The following CD163L1 variants were observed in gnomAD, a reference collection of about 807,000 sequenced individuals.
CD163L1 encodes scavenger receptor cysteine-rich type 1 protein M160.
Under a neutral mutation model 165.4 loss-of-function variants are expected in CD163L1, and 124 were observed. That is an observed-to-expected ratio of 0.75 (90% CI 0.65 to 0.87). The LOEUF is 0.87. Ranked by LOEUF, CD163L1 falls within the 40% of genes least tolerant of loss-of-function variation. CD163L1 has a pLI of 0.00. For synonymous variants in CD163L1, 585 were observed against 662.2 expected, an observed-to-expected ratio of 0.88 and a Z score of 1.79; for missense variants, 1,525 against 1,799.9, an observed-to-expected ratio of 0.85 and a Z score of 2.76.
chr12:7,409,667 C>T (rs1175106660), intron 4 of CD163L1, among the ~76,000 whole-genome samples: 1 of 152,154 alleles, frequency 6.6e-6, no homozygotes, highest in African/African-American at 2.4e-5. Context: ...GTTTACAGCC[C>T]GGGGGTTGGA....
chr12:7,399,827 AC>A (rs1787893720), intron 6 of CD163L1, among the ~76,000 whole-genome samples: 1 of 151,854 alleles, frequency 6.6e-6, no homozygotes, highest in Admixed American at 6.6e-5. Context: ...CTGGTCTAGA[AC>A]CCCTGACCTC....
downstream of CD163L1, among the ~76,000 whole-genome samples, chr12:7,345,237 T>G (rs1400972712): frequency 6.6e-6 from 1 of 152,192 alleles, no homozygotes; most frequent in South Asian, 2.1e-4. Context: ...GTCATTTCTT[T>G]GCTCCTGTAG....
At chr12:7,324,332 A>C in the CD163L1 span, 1 of 1,614,040 alleles carries the variant, frequency 6.2e-7, no homozygotes, top group Non-Finnish European at 8.5e-7. Context: ...CTGGAGACAG[A>C]GGAGTGATGG....
At chr12:7,341,505 G>C in the CD163L1 span, among the ~76,000 whole-genome samples, 1 of 152,158 alleles carries the variant, frequency 6.6e-6, no homozygotes, top group East Asian at 1.9e-4. Context: ...GAGTTACATA[G>C]TCCTGTCCTA....
chr12:7,335,747 G>A, the CD163L1 span, among the ~76,000 whole-genome samples: 3 of 152,242 alleles, frequency 2.0e-5, no homozygotes, highest in African/African-American at 7.2e-5. Context: ...GAAAATTTTT[G>A]CAACCTACTC....
At chr12:7,325,726 G>C in the CD163L1 span, among the ~76,000 whole-genome samples, 1 of 152,178 alleles carries the variant, frequency 6.6e-6, no homozygotes, top group Non-Finnish European at 1.5e-5. Context: ...TCTAAGGAAA[G>C]GGAACTCTGG....
chr12:7,441,981 A>C (rs964803916), intron 1 of CD163L1, among the ~76,000 whole-genome samples: 18 of 152,144 alleles, frequency 1.2e-4, no homozygotes, highest in African/African-American at 3.6e-4. Context: ...GGCAGGAGCA[A>C]TACACAAGCG....
intron 1 of CD163L1, among the ~76,000 whole-genome samples, chr12:7,442,129 T>A (rs1389387772): frequency 6.6e-6 from 1 of 152,228 alleles, no homozygotes; most frequent in East Asian, 1.9e-4. Context: ...AATAAATGTA[T>A]AAGAAATACT....
At chr12:7,404,761 T>C (rs1003444508) in intron 5 of CD163L1, among the ~76,000 whole-genome samples, 2 of 152,150 alleles carry the variant, frequency 1.3e-5, no homozygotes, top group African/African-American at 4.8e-5. Flanking sequence ...CTATAAATAA[T>C]GTAGGTCATA....
chr12:7,430,888 A>T (rs529573179), intron 4 of CD163L1, among the ~76,000 whole-genome samples: 61 of 152,172 alleles, frequency 4.0e-4, no homozygotes, highest in Admixed American at 6.5e-4. Context: ...CAAGCAGAAA[A>T]GAGGAGAGAG....
At chr12:7,361,089 A>C (rs954657360) in intron 18 of CD163L1, among the ~76,000 whole-genome samples, 1 of 152,012 alleles carries the variant, frequency 6.6e-6, no homozygotes, top group Non-Finnish European at 1.5e-5. Flanking sequence ...AGACTTTGCT[A>C]TTCTGTTTGG....
intron 18 of CD163L1, among the ~76,000 whole-genome samples, chr12:7,366,827 A>G (rs752632254): frequency 3.9e-5 from 6 of 152,184 alleles, no homozygotes; most frequent in Non-Finnish European, 8.8e-5. Flanking sequence ...AAAAATAATT[A>G]TAAATGTACA....
rs935727532 is a variant in CD163L1, at chr12:7,403,269, T to A, written c.1408+266A>T. Among the ~76,000 whole-genome samples the A allele has an allele frequency of 2.6e-5, 4 of 152,200 alleles. No individual in the cohort carries two copies. In the East Asian group the frequency reaches 5.8e-4, roughly 22 times the overall value. On this transcript the variant is annotated intron_variant, in intron 6 of 19. Transcript: ENST00000313599. Reference sequence around the variant, plus strand: ...ATTAGTACAACTCATTAGTTTTCTATGAAGAGAGGTTGCCCAGTTATTTTA... The same window carrying A: ...ATTAGTACAACTCATTAGTTTTCTAAGAAGAGAGGTTGCCCAGTTATTTTA...
intron 2 of CD163L1, 21 bp downstream of exon 2, chr12:7,441,133 T>G: frequency 6.4e-7 from 1 of 1,573,858 alleles, no homozygotes; most frequent in Non-Finnish European, 8.7e-7. Context: ...AGCCCAAAAG[T>G]TATCATCCAT....
chr12:7,328,463 G>A, the CD163L1 span: 3 of 991,596 alleles, frequency 3.0e-6, no homozygotes, highest in Admixed American at 3.7e-5. Context: ...CTCTTAAAAT[G>A]TTTAAGATCT....
At chr12:7,348,911 G>A (rs146939520) in intron 4 of CD163L1, among the ~76,000 whole-genome samples, 3 of 151,694 alleles carry the variant, frequency 2.0e-5, no homozygotes, top group African/African-American at 7.3e-5. Flanking sequence ...GGCCAGGTGC[G>A]ATGGCTTACC....
At chr12:7,415,731 C>T (rs1046534535) in intron 4 of CD163L1, among the ~76,000 whole-genome samples, 2 of 152,160 alleles carry the variant, frequency 1.3e-5, no homozygotes, top group African/African-American at 2.4e-5. Context: ...CCAGCTTCAT[C>T]CACGTCCCTG....
chr12:7,404,728 C>T (rs769100992), intron 5 of CD163L1, among the ~76,000 whole-genome samples: 4 of 151,958 alleles, frequency 2.6e-5, no homozygotes, highest in South Asian at 2.1e-4. Context: ...GGTTAGTCTT[C>T]GGAGATTTGG....
At chr12:7,361,281 T>C (rs1946884958) in intron 18 of CD163L1, among the ~76,000 whole-genome samples, 1 of 152,180 alleles carries the variant, frequency 6.6e-6, no homozygotes, top group African/African-American at 2.4e-5. Context: ...TCCCTCTATG[T>C]GATTTCCTCT....
Sources: allele counts gnomAD v4.1 joint callset (sites outside exome capture counted in the v4.1 genomes callset), GRCh38; gene constraint gnomAD v4.1.1; transcripts MANE v1.5; gene names NCBI Gene and HGNC (gene_info 2026-07-23, HGNC 2026-07-21).